Variants in KCNN2 observed in about 807,000 individuals in gnomAD.
KCNN2 encodes the protein potassium calcium-activated channel subfamily N member 2.
In KCNN2, 24 loss-of-function variants were observed where a neutral mutation model predicts 55.5. The ratio of observed to expected loss-of-function variants is 0.43; its 90% CI spans 0.31 to 0.61. KCNN2 has a LOEUF of 0.61. Among genes scored for constraint, KCNN2 ranks in the 20% least tolerant of loss-of-function variants. The pLI is 0.08. For missense variants in KCNN2, 754 were observed against 853.6 expected (o/e 0.88, Z 1.45); for synonymous variants, 431 against 336.1 (o/e 1.28, Z -3.09).
rs574704283 is a variant in KCNN2 at position 114,494,510 on chromosome 5, G to T, written c.2088+1038G>T. Among the ~76,000 whole-genome samples the T allele has an allele frequency of 3.1e-4, 47 of 151,874 alleles. 1 individual carries two copies. The highest frequency in any genetic ancestry group is 1.1e-3 in the African/African-American group (46 of 41,432). ...GTATGAGGACATCCTCGATTAACGT[G>T]TATAAATGTGGCTGTTACTTGGACA... is the stretch of plus-strand genomic sequence containing the variant. On this transcript the variant is annotated intron_variant, in intron 7 of 7. Coordinates refer to ENST00000673685, the MANE Select transcript of KCNN2 (RefSeq NM_021614.4).
At chr5:114,128,958 T>C (rs1000599347) in intron 1 of KCNN2, among the ~76,000 whole-genome samples, 1 of 152,298 alleles carries the variant, frequency 6.6e-6, no homozygotes, top group East Asian at 1.9e-4. Context: ...CTACATGTAT[T>C]GGTCAAGGTC....
chr5:114,119,833 GC>G (rs1240695269), intron 1 of KCNN2, among the ~76,000 whole-genome samples: 2 of 152,090 alleles, frequency 1.3e-5, no homozygotes, highest in Non-Finnish European at 2.9e-5. Flanking sequence ...CTGACTATCT[GC>G]GTGGCTATGC....
chr5:114,195,699 T>G (rs1040362313), intron 1 of KCNN2, among the ~76,000 whole-genome samples: 1 of 152,028 alleles, frequency 6.6e-6, no homozygotes, highest in Non-Finnish European at 1.5e-5. Flanking sequence ...TTACTATGTC[T>G]TGCACCTCCA....
chr5:114,131,922 G>A (rs1433539508), intron 1 of KCNN2, among the ~76,000 whole-genome samples: 1 of 152,136 alleles, frequency 6.6e-6, no homozygotes, highest in East Asian at 1.9e-4. Flanking sequence ...CCACATAAAT[G>A]TCTTCTTTTA....
intron 2 of KCNN2, among the ~76,000 whole-genome samples, chr5:114,252,694 C>G (rs1433483656): frequency 1.3e-5 from 2 of 150,166 alleles, no homozygotes; most frequent in Non-Finnish European, 3.0e-5. Flanking sequence ...CTGCCATTTT[C>G]TCTGTTTCTA....
rs199731638 is a variant in KCNN2, at chr5:114,329,548, G to A, written c.-184-31397G>A. Among the ~76,000 whole-genome samples, 3 of 152,218 alleles carry A rather than the reference G, an allele frequency of 2.0e-5. 1 individual carries two copies. Among genetic ancestry groups the A allele is most frequent in the East Asian group, 3.9e-4 (2 of 5,174 alleles). On this transcript the variant is annotated intron_variant, in intron 2 of 10. Transcript: ENST00000512097. The stretch of plus-strand genomic sequence containing the variant: ...TGGACTTACACCAGTGGTTGGTCAG[G>A]GGCTTTCGGGCCTTCGGTCACAGAC...
intron 3 of KCNN2, among the ~76,000 whole-genome samples, chr5:114,451,874 G>A (rs1580854356): frequency 6.6e-6 from 1 of 151,052 alleles, no homozygotes; most frequent in South Asian, 2.1e-4. Context: ...TCCAGCCTGG[G>A]TGACAGAGCA....
intron 2 of KCNN2, among the ~76,000 whole-genome samples, chr5:114,314,082 G>A (rs986113624): frequency 4.6e-5 from 7 of 152,100 alleles, no homozygotes; most frequent in African/African-American, 1.7e-4. Flanking sequence ...TGTTTCTACA[G>A]TTTTTGTGTA....
intron 1 of KCNN2, among the ~76,000 whole-genome samples, chr5:114,136,506 A>G (rs1235007114): frequency 2.0e-5 from 3 of 152,240 alleles, no homozygotes; most frequent in Non-Finnish European, 2.9e-5. Flanking sequence ...AGTAAATACC[A>G]AAAGAAATGG....
At chr5:114,276,994 T>A (rs183257780) in intron 2 of KCNN2, among the ~76,000 whole-genome samples, 244 of 152,342 alleles carry the variant, frequency 1.6e-3, no homozygotes, top group African/African-American at 5.3e-3. Flanking sequence ...CTTTCCATGT[T>A]TAGTGCTTCC....
chr5:114,362,378 C>T lies in KCNN2; in HGVS notation c.239C>T (p.Ala80Val). ...NSCASSGAPA[A>V]GAGDNLSLLL... Reference sequence around the variant, plus strand: ...TGCGCCTCCTCCGGTGCCCCGGCGGCGGGGGCGGGAGATAACCTGTCCCTG... The same window carrying T: ...TGCGCCTCCTCCGGTGCCCCGGCGGTGGGGGCGGGAGATAACCTGTCCCTG... The change falls in exon 1 of 8, where the codon GCG (alanine) becomes GTG (valine). Residue 80 changes from alanine (A) to valine (V), a missense_variant. This residue lies in a region of KCNN2 where 381 missense variants were observed against 259.1 expected (regional missense o/e 1.47). Coordinates refer to ENST00000673685, the MANE Select transcript of KCNN2 (RefSeq NM_021614.4). 2 of 220,056 alleles carry T rather than the reference C, an allele frequency of 9.1e-6. No homozygotes were observed. The highest frequency in any genetic ancestry group is 1.8e-5 in the Non-Finnish European group (2 of 113,330). 13.6% of individuals were successfully genotyped at this position (220,056 alleles called of 1,614,324 possible).
intron 1 of KCNN2, among the ~76,000 whole-genome samples, chr5:114,086,162 C>T (rs12188746): frequency 0.056 from 8,467 of 152,092 alleles, 312 homozygotes; most frequent in Middle Eastern, 0.092. Context: ...GCTATGTTTA[C>T]ATTTAACAGG....
At chr5:114,280,104 A>G (rs1755591117) in intron 2 of KCNN2, among the ~76,000 whole-genome samples, 1 of 152,154 alleles carries the variant, frequency 6.6e-6, no homozygotes, top group South Asian at 2.1e-4. Context: ...TCTTCTTTTG[A>G]GAAGTGTCTG....
Position 114,475,172 on chromosome 5 carries a change from C to T in KCNN2, c.1890+2008C>T, listed in dbSNP as rs141532103. Among the ~76,000 whole-genome samples the T allele has an allele frequency of 3.2e-3, 481 of 152,204 alleles. 3 individuals carry two copies. Among genetic ancestry groups the T allele is most frequent in the African/African-American group, 0.011 (451 of 41,540 alleles). ...TTGATAAAAATTTTTTTATGAAGTT[C>T]ACCGAGGTCAACCAGTTTCATTTGG... On this transcript the variant is annotated intron_variant, in intron 5 of 7. Transcript: ENST00000673685.
chr5:114,064,923 G>A (rs1446211103), intron 1 of KCNN2, among the ~76,000 whole-genome samples: 1 of 152,172 alleles, frequency 6.6e-6, no homozygotes, highest in Non-Finnish European at 1.5e-5. Flanking sequence ...AGAGATCAGA[G>A]CCCAAGGCAC....
At chr5:114,228,381 A>G (rs1754285310) in intron 2 of KCNN2, among the ~76,000 whole-genome samples, 1 of 152,118 alleles carries the variant, frequency 6.6e-6, no homozygotes, top group Non-Finnish European at 1.5e-5. Flanking sequence ...ATAAAAGGAA[A>G]CTAAGTTTCA....
chr5:114,326,262 A>G (rs1756712221), intron 2 of KCNN2, among the ~76,000 whole-genome samples: 1 of 152,114 alleles, frequency 6.6e-6, no homozygotes, highest in Non-Finnish European at 1.5e-5. Context: ...TAGCGGGTAC[A>G]TTTTCACAGA....
chr5:114,270,589 G>A (rs1365558592), intron 2 of KCNN2, among the ~76,000 whole-genome samples: 1 of 152,064 alleles, frequency 6.6e-6, no homozygotes, highest in Non-Finnish European at 1.5e-5. Context: ...AACACAATGG[G>A]AATCATTAAG....
At chr5:114,179,553 C>A (rs1753201037) in intron 1 of KCNN2, among the ~76,000 whole-genome samples, 2 of 152,192 alleles carry the variant, frequency 1.3e-5, no homozygotes, top group Admixed American at 6.5e-5. Context: ...AGAGCCCATG[C>A]TCCTTTCATT....
Sources: allele counts gnomAD v4.1 joint callset (sites outside exome capture counted in the v4.1 genomes callset), GRCh38; gene constraint gnomAD v4.1.1; regional missense constraint gnomAD v4.1.1; transcripts MANE v1.5; gene names NCBI Gene and HGNC (gene_info 2026-07-23, HGNC 2026-07-21).